Variants in KDM2A observed in about 807,000 individuals in gnomAD.
The protein encoded by KDM2A is lysine-specific demethylase 2A.
KDM2A carries 3 observed loss-of-function variants against 137.3 expected under a neutral mutation model. That is an observed-to-expected ratio of 0.02 (90% confidence interval 0.01 to 0.06). KDM2A has a LOEUF of 0.06. Among genes scored for constraint, KDM2A ranks in the 10% least tolerant of loss-of-function variants. The pLI is 1.00. For missense variants in KDM2A, 738 were observed against 1,510.6 expected, an observed-to-expected ratio of 0.49 and a Z score of 8.48; for synonymous variants, 512 against 541.5, an observed-to-expected ratio of 0.95 and a Z score of 0.76.
At chr11:67,228,392 C>T (rs968228750) in intron 11 of KDM2A, among the ~76,000 whole-genome samples, 1 of 152,080 alleles carries the variant, frequency 6.6e-6, no homozygotes, top group Non-Finnish European at 1.5e-5. Context: ...TTACTTAGCT[C>T]CTCAAGAAGG....
chr11:67,167,471 T>G (rs1856771804), intron 2 of KDM2A, among the ~76,000 whole-genome samples: 1 of 152,198 alleles, frequency 6.6e-6, no homozygotes, highest in Non-Finnish European at 1.5e-5. Flanking sequence ...CCGACTCTTT[T>G]AGGATCATTC....
intron 12 of KDM2A, among the ~76,000 whole-genome samples, chr11:67,232,244 A>G (rs1213006351): frequency 6.6e-6 from 1 of 152,232 alleles, no homozygotes; most frequent in Non-Finnish European, 1.5e-5. Flanking sequence ...CCCAAAGAAA[A>G]TATTTATATA....
At chr11:67,128,427 A>G (rs1340917636) in intron 2 of KDM2A, among the ~76,000 whole-genome samples, 1 of 152,014 alleles carries the variant, frequency 6.6e-6, no homozygotes, top group African/African-American at 2.4e-5. Flanking sequence ...GCTAGAAAAA[A>G]TTATATGTGG....
intron 2 of KDM2A, among the ~76,000 whole-genome samples, chr11:67,122,904 T>G (rs530172565): frequency 8.5e-5 from 13 of 152,116 alleles, no homozygotes; most frequent in African/African-American, 1.4e-4. Context: ...CTCGATCTCC[T>G]GACCTTGTGA....
intron 5 of KDM2A, chr11:67,195,902 A>G (rs890824822): frequency 1.6e-5 from 6 of 379,770 alleles, no homozygotes; most frequent in South Asian, 4.9e-5. Flanking sequence ...ATAGGCTCCA[A>G]TAAGGAATAA....
At chr11:67,135,637 C>T (rs990389085) in intron 2 of KDM2A, among the ~76,000 whole-genome samples, 2 of 152,190 alleles carry the variant, frequency 1.3e-5, no homozygotes, top group Non-Finnish European at 2.9e-5. Context: ...AATATATATT[C>T]ATAAATGTAG....
chr11:67,237,306 C>T (rs576901129), intron 12 of KDM2A, among the ~76,000 whole-genome samples: 4 of 151,972 alleles, frequency 2.6e-5, no homozygotes, highest in African/African-American at 9.6e-5. Context: ...GCAAATAACT[C>T]CAGAAATACT....
At chr11:67,166,859 T>C (rs1856760019) in intron 2 of KDM2A, among the ~76,000 whole-genome samples, 1 of 152,070 alleles carries the variant, frequency 6.6e-6, no homozygotes, top group Non-Finnish European at 1.5e-5. Flanking sequence ...GGCGGATCAC[T>C]TGAGGTCAGG....
chr11:67,200,545 T>A (rs1190627477), intron 5 of KDM2A, among the ~76,000 whole-genome samples: 1 of 151,482 alleles, frequency 6.6e-6, no homozygotes, highest in Non-Finnish European at 1.5e-5. Flanking sequence ...AAGGTCTCAT[T>A]CTGTTGCCCA....
chr11:67,205,108 A>G (rs1857762845), intron 5 of KDM2A, among the ~76,000 whole-genome samples: 1 of 152,162 alleles, frequency 6.6e-6, no homozygotes, highest in Non-Finnish European at 1.5e-5. Context: ...GCACCATCTT[A>G]TATTCCCACC....
chr11:67,149,983 A>T (rs370060433), intron 2 of KDM2A, among the ~76,000 whole-genome samples: 1 of 152,170 alleles, frequency 6.6e-6, no homozygotes, highest in African/African-American at 2.4e-5. Context: ...CAGCCTCCCA[A>T]AGTGCTGGGA....
chr11:67,193,823 T>C (rs936398224), intron 5 of KDM2A, among the ~76,000 whole-genome samples: 7 of 152,300 alleles, frequency 4.6e-5, no homozygotes, highest in East Asian at 1.9e-4. Flanking sequence ...ACCATGTCGT[T>C]GTATTCCAGC....
intron 10 of KDM2A, among the ~76,000 whole-genome samples, chr11:67,224,888 C>T (rs1464281064): frequency 8.3e-6 from 1 of 120,096 alleles, no homozygotes; most frequent in Non-Finnish European, 1.6e-5. Flanking sequence ...GTTGTCCAAG[C>T]TGGAGTGCAG....
intron 5 of KDM2A, among the ~76,000 whole-genome samples, chr11:67,185,677 GAA>G (rs1190942914): frequency 6.6e-6 from 1 of 151,558 alleles, no homozygotes; most frequent in Non-Finnish European, 1.5e-5. Context: ...AATTTATGTT[GAA>G]ATTGAATTGC....
chr11:67,189,469 G>T (rs984308781), intron 5 of KDM2A, among the ~76,000 whole-genome samples: 3 of 152,190 alleles, frequency 2.0e-5, no homozygotes, highest in Non-Finnish European at 2.9e-5. Context: ...TGTGCCTATA[G>T]TTCCAGCTAC....
chr11:67,157,905 C>T (rs565618238), intron 2 of KDM2A, among the ~76,000 whole-genome samples: 86 of 152,226 alleles, frequency 5.6e-4, no homozygotes, highest in African/African-American at 2.0e-3. Flanking sequence ...GCCTGGGCAA[C>T]ATAGTGAGAC....
chr11:67,246,209 C>G, intron 15 of KDM2A, 93 bp downstream of exon 15: 1 of 1,354,030 alleles, frequency 7.4e-7, no homozygotes, highest in African/African-American at 1.4e-5. Flanking sequence ...GCCAGCATCC[C>G]TACTGTAGGC....
intron 11 of KDM2A, among the ~76,000 whole-genome samples, chr11:67,230,788 A>G (rs1858687736): frequency 6.6e-6 from 1 of 152,194 alleles, no homozygotes; most frequent in South Asian, 2.1e-4. Flanking sequence ...CATTTTCTAA[A>G]TTATAAAAGA....
At position 67,245,839 on chromosome 11, in the gene KDM2A, C is replaced by T. The variant is rs1466507133; in HGVS notation, c.1834-146C>T. On this transcript the variant is annotated intron_variant, in intron 14 of 20. Coordinates refer to ENST00000529006, the MANE Select transcript of KDM2A (RefSeq NM_012308.3). The surrounding 1 kb of genome is among the most constrained non-coding windows in gnomAD (Gnocchi z 4.1). ...CCCCAGTCATTTTTCCTACCCAAAA[C>T]CTCCGTTCTCTCCACCCTGCCTCCA... 4 of 938,180 alleles carry T rather than the reference C, an allele frequency of 4.3e-6. No homozygotes were observed. The African/African-American group carries it at 5.0e-5, about 12-fold the overall frequency. 58.1% of individuals were successfully genotyped at this position (938,180 alleles called of 1,614,324 possible). A position where few individuals can be genotyped will look rare whatever the true frequency, so the allele number is the denominator to read the frequency against.
Sources: gnomAD v4.1 joint callset for allele counts (sites outside exome capture counted in the v4.1 genomes callset) on GRCh38, gnomAD v4.1.1 for gene constraint, Gnocchi (gnomAD v3.1) non-coding constraint, MANE v1.5 for transcripts, NCBI Gene and HGNC (gene_info 2026-07-23, HGNC 2026-07-21) for gene names.